TET1: variants seen among roughly 807,000 people sequenced by gnomAD.
TET1 encodes tet methylcytosine dioxygenase 1.
In TET1, 13 loss-of-function variants were observed where a neutral mutation model predicts 148.7. The observed-to-expected ratio is 0.09, with a 90% CI of 0.06 to 0.14. The LOEUF is 0.14. Among genes scored for constraint, TET1 ranks in the 10% least tolerant of loss-of-function variants. The pLI is 1.00. For missense variants in TET1, 2,182 were observed against 2,553.8 expected (o/e 0.85, Z 3.14); for synonymous variants, 907 against 937.2 (o/e 0.97, Z 0.59).
intron 4 of TET1, among the ~76,000 whole-genome samples, chr10:68,648,003 T>A (rs2054878098): frequency 6.6e-6 from 1 of 152,262 alleles, no homozygotes; most frequent in East Asian, 1.9e-4. Context: ...TAAGCCTTTC[T>A]GAATTTTAAC....
At chr10:68,568,158 G>A (rs145813330) in intron 1 of TET1, among the ~76,000 whole-genome samples, 286 of 151,386 alleles carry the variant, frequency 1.9e-3, no homozygotes, top group African/African-American at 6.5e-3. Context: ...GATTACAGGC[G>A]TGAGCCACTG....
At position 68,683,111 on chromosome 10, in the gene TET1, GAA is replaced by G. The variant is rs11284778; in HGVS notation, c.5052+145_5052+146del. ...ATTAGAAATAAGTGGAAAATAAAGT[GAA>G]AAAAAAGAAATAAGTGTGTAGTGCA... On this transcript the variant is annotated intron_variant, in intron 10 of 11. Coordinates refer to ENST00000373644, the MANE Select transcript of TET1 (RefSeq NM_030625.3). The G allele has an allele frequency of 7.8e-5, 75 of 963,164 alleles. No individual in the cohort carries two copies. The East Asian group carries it at 1.6e-3, about 20-fold the overall frequency. 59.7% of individuals were successfully genotyped at this position (963,164 alleles called of 1,614,324 possible). A position where few individuals can be genotyped will look rare whatever the true frequency, so the allele number is the denominator to read the frequency against.
chr10:68,659,087 C>T (rs917836098), intron 6 of TET1, among the ~76,000 whole-genome samples: 53 of 151,976 alleles, frequency 3.5e-4, no homozygotes, highest in African/African-American at 1.1e-3. Flanking sequence ...ATTAGCCGGG[C>T]GTGGTGGCAT....
chr10:68,564,677 G>C (rs546699166), intron 1 of TET1, among the ~76,000 whole-genome samples: 1 of 152,226 alleles, frequency 6.6e-6, no homozygotes, highest in African/African-American at 2.4e-5. Context: ...ATGTTATCAT[G>C]TAGCTATCTC....
At position 68,572,837 on chromosome 10, in the gene TET1, C is replaced by T. The variant is rs866913134; in HGVS notation, c.499C>T (p.Pro167Ser). The T allele has an allele frequency of 6.2e-7, 1 of 1,614,140 alleles. No individual in the cohort carries two copies. ...TCCAATGCAAGACACCCAAGTCCTTCCTGATATAGAGACTCTAATTGGTGT... is the reference window on the plus strand; with the variant it reads ...TCCAATGCAAGACACCCAAGTCCTTTCTGATATAGAGACTCTAATTGGTGT... ...SVPMQDTQVL[P>S]DIETLIGVQN... The change falls in exon 2 of 12, where the codon CCT becomes TCT. Residue 167 changes from proline (P) to serine (S), a missense_variant. Pro to Ser is a moderately conservative substitution (Grantham distance 74). Transcript: ENST00000373644.
intron 3 of TET1, among the ~76,000 whole-genome samples, chr10:68,624,296 C>G (rs556612392): frequency 1.2e-4 from 18 of 149,526 alleles, no homozygotes; most frequent in Middle Eastern, 3.5e-3. Flanking sequence ...TTGTTTGTTT[C>G]TTTCTTTTTT....
intron 3 of TET1, among the ~76,000 whole-genome samples, chr10:68,641,288 T>C (rs2394482): frequency 0.91 from 138,140 of 151,774 alleles, 63,094 homozygotes; most frequent in East Asian, 0.98. Flanking sequence ...CTGCAACCTC[T>C]ACCTCCTGGG....
chr10:68,590,175 T>C (rs541912076), intron 2 of TET1, among the ~76,000 whole-genome samples: 1 of 152,192 alleles, frequency 6.6e-6, no homozygotes, highest in South Asian at 2.1e-4. Flanking sequence ...TGCAGTAGTG[T>C]GATCATGGCT....
Position 68,672,511 on chromosome 10 carries a change from A to C in TET1, c.4674-384A>C, listed in dbSNP as rs1589127698. Among the ~76,000 whole-genome samples, 6 of 130,826 alleles carry C rather than the reference A, an allele frequency of 4.6e-5. No individual in the cohort carries two copies. In the South Asian group the frequency reaches 1.4e-3, roughly 31 times the overall value. 85.8% of individuals were successfully genotyped at this position (130,826 alleles called of 152,430 possible). ...TCAAAAAAAAAAAAAAAAAAAAAAA[A>C]CACCAAAAAAAAAAAAAAGAAAAAC... On this transcript the variant is annotated intron_variant, in intron 7 of 11. Coordinates refer to ENST00000373644, the MANE Select transcript of TET1 (RefSeq NM_030625.3).
intron 11 of TET1, 92 bp downstream of exon 11, chr10:68,686,799 T>G (rs1436945980): frequency 1.8e-6 from 2 of 1,125,518 alleles, no homozygotes; most frequent in African/African-American, 3.2e-5. Flanking sequence ...GAGTTAAAAC[T>G]AAGACACTGA....
chr10:68,585,939 C>T (rs1298147128), intron 2 of TET1, among the ~76,000 whole-genome samples: 7 of 148,432 alleles, frequency 4.7e-5, no homozygotes, highest in Non-Finnish European at 8.9e-5. Context: ...ACCCTGGAGA[C>T]GGAGGTTGCA....
chr10:68,641,382 T>C (rs943488748), intron 3 of TET1, among the ~76,000 whole-genome samples: 1 of 151,982 alleles, frequency 6.6e-6, no homozygotes, highest in African/African-American at 2.4e-5. Context: ...TGATCAGTTA[T>C]AGTTTTGAAT....
chr10:68,577,027 G>A (rs1055539649), intron 2 of TET1, among the ~76,000 whole-genome samples: 3 of 152,064 alleles, frequency 2.0e-5, no homozygotes, highest in African/African-American at 7.2e-5. Context: ...TCCTGCCTCA[G>A]CCTCCTGAGT....
intron 1 of TET1, among the ~76,000 whole-genome samples, chr10:68,565,475 A>AAAAAATATATATATAT (rs1388182777): frequency 1.5e-5 from 2 of 129,232 alleles, no homozygotes; most frequent in Admixed American, 8.4e-5. Flanking sequence ...AAAAAAAAAA[A>AAAAAATATATATATAT]ATATATATAT....
intron 1 of TET1, among the ~76,000 whole-genome samples, chr10:68,570,899 C>T (rs571233491): frequency 3.9e-5 from 6 of 152,090 alleles, no homozygotes; most frequent in African/African-American, 1.2e-4. Flanking sequence ...TTCCAAAGTG[C>T]TGGGATTACA....
intron 3 of TET1, among the ~76,000 whole-genome samples, chr10:68,621,394 G>A (rs886580043): frequency 2.6e-5 from 4 of 152,078 alleles, no homozygotes; most frequent in Non-Finnish European, 4.4e-5. Flanking sequence ...GACTAGCCTG[G>A]GCAACGTGGT....
chr10:68,686,824 A>G (rs369250973), intron 11 of TET1, 117 bp downstream of exon 11: 2 of 934,534 alleles, frequency 2.1e-6, no homozygotes, highest in South Asian at 2.0e-5. Context: ...ATTTTTACAT[A>G]TACCAGAACC....
intron 3 of TET1, among the ~76,000 whole-genome samples, chr10:68,609,122 T>G (rs2132911599): frequency 6.6e-6 from 1 of 152,186 alleles, no homozygotes; most frequent in Non-Finnish European, 1.5e-5. Flanking sequence ...CTCAGTCTCC[T>G]GAGTACCTAG....
chr10:68,586,452 G>A (rs1283810059), intron 2 of TET1, among the ~76,000 whole-genome samples: 6 of 150,310 alleles, frequency 4.0e-5, no homozygotes, highest in Non-Finnish European at 8.9e-5. Context: ...TGCTGGGATT[G>A]CAGGCGTGTG....
Sources: allele counts gnomAD v4.1 joint callset (sites outside exome capture counted in the v4.1 genomes callset), GRCh38; gene constraint gnomAD v4.1.1; transcripts MANE v1.5; gene names NCBI Gene and HGNC (gene_info 2026-07-23, HGNC 2026-07-21).